Variants in DIAPH3 observed in about 807,000 individuals in gnomAD.
DIAPH3 encodes protein diaphanous homolog 3.
DIAPH3 carries 117 observed loss-of-function variants against 144.3 expected under a neutral mutation model. The observed-to-expected ratio is 0.81, with a 90% confidence interval of 0.70 to 0.95. The LOEUF (loss-of-function observed/expected upper bound fraction) is 0.95. Ranked by LOEUF, DIAPH3 falls within the 40% of genes least tolerant of loss-of-function variation. The pLI, the probability that DIAPH3 is intolerant of heterozygous loss-of-function variation, is 0.00. For synonymous variants in DIAPH3, 519 were observed against 488.9 expected (o/e 1.06, Z -0.81); for missense variants, 1,421 against 1,412.7 (o/e 1.01, Z -0.09).
chr13:59,942,549 C>G (rs2048587097), intron 17 of DIAPH3, among the ~76,000 whole-genome samples: 1 of 152,046 alleles, frequency 6.6e-6, no homozygotes, highest in African/African-American at 2.4e-5. Flanking sequence ...TGAAACAATT[C>G]AAACAATATA....
intron 17 of DIAPH3, among the ~76,000 whole-genome samples, chr13:59,932,553 AC>A (rs1243399175): frequency 3.3e-5 from 5 of 152,190 alleles, no homozygotes; most frequent in African/African-American, 1.2e-4. Context: ...AAAAACAAAT[AC>A]AAGCAACCTT....
At chr13:60,136,472 CAAAAAAAA>C (rs34487556) in intron 1 of DIAPH3, among the ~76,000 whole-genome samples, 7 of 81,978 alleles carry the variant, frequency 8.5e-5, no homozygotes, top group South Asian at 3.7e-4. Flanking sequence ...TTATATTTAC[CAAAAAAAA>C]AAAAAAAAAA....
At chr13:59,689,076 A>G (rs2033368907) in intron 27 of DIAPH3, among the ~76,000 whole-genome samples, 1 of 152,110 alleles carries the variant, frequency 6.6e-6, no homozygotes, top group African/African-American at 2.4e-5. Flanking sequence ...TGAGGGAGAG[A>G]TAATTGTGAA....
chr13:59,708,933 A>AT (rs2034576098), intron 27 of DIAPH3, among the ~76,000 whole-genome samples: 1 of 152,094 alleles, frequency 6.6e-6, no homozygotes, highest in African/African-American at 2.4e-5. Flanking sequence ...CCCATGTATA[A>AT]TTTTTTAAAA....
chr13:59,761,367 CAGTGG>C (rs2037576095), intron 27 of DIAPH3, among the ~76,000 whole-genome samples: 1 of 152,118 alleles, frequency 6.6e-6, no homozygotes, highest in Non-Finnish European at 1.5e-5. Flanking sequence ...ACTAAGGAGT[CAGTGG>C]ATACACATTA....
chr13:59,781,136 A>G (rs1340689151), intron 25 of DIAPH3, among the ~76,000 whole-genome samples: 1 of 152,234 alleles, frequency 6.6e-6, no homozygotes, highest in Non-Finnish European at 1.5e-5. Flanking sequence ...CATACAAAGA[A>G]GATCCTAAAA....
At chr13:59,984,454 AC>A (rs1288942406) in intron 12 of DIAPH3, among the ~76,000 whole-genome samples, 1 of 151,820 alleles carries the variant, frequency 6.6e-6, no homozygotes, top group East Asian at 1.9e-4. Context: ...TCGAAGTTTA[AC>A]TAAAACCTCC....
At chr13:59,789,973 G>A (rs1038865825) in intron 25 of DIAPH3, among the ~76,000 whole-genome samples, 1 of 152,128 alleles carries the variant, frequency 6.6e-6, no homozygotes, top group Non-Finnish European at 1.5e-5. Flanking sequence ...TTGAGGTACT[G>A]GCAGAATATT....
intron 17 of DIAPH3, among the ~76,000 whole-genome samples, chr13:59,967,241 T>G (rs2094487068): frequency 6.6e-6 from 1 of 151,718 alleles, no homozygotes; most frequent in South Asian, 2.1e-4. Flanking sequence ...TATTTTTTTT[T>G]TTAATTTTTT....
intron 5 of DIAPH3, among the ~76,000 whole-genome samples, chr13:60,022,973 G>T (rs548365281): frequency 6.6e-6 from 1 of 152,218 alleles, no homozygotes; most frequent in East Asian, 1.9e-4. Flanking sequence ...ACATTGGTTT[G>T]TAAGTTTGAG....
intron 27 of DIAPH3, among the ~76,000 whole-genome samples, chr13:59,740,143 C>A (rs933323234): frequency 5.3e-5 from 8 of 152,132 alleles, no homozygotes; most frequent in Non-Finnish European, 8.8e-5. Flanking sequence ...ACTCATTTAT[C>A]TACTTATTCG....
chr13:59,906,712 C>G (rs898696631), intron 20 of DIAPH3, among the ~76,000 whole-genome samples: 3 of 152,114 alleles, frequency 2.0e-5, no homozygotes, highest in African/African-American at 7.2e-5. Flanking sequence ...CTTTGAAGAA[C>G]AGGAAGCTTA....
intron 3 of DIAPH3, among the ~76,000 whole-genome samples, chr13:60,104,566 G>GCACACACACA (rs10633554): frequency 0.093 from 13,736 of 146,992 alleles, 697 homozygotes; most frequent in Non-Finnish European, 0.11. Flanking sequence ...CAGTATCAAG[G>GCACACACACA]CACACACACA....
chr13:59,897,553 G>T (rs746995295), intron 20 of DIAPH3, among the ~76,000 whole-genome samples: 2 of 151,718 alleles, frequency 1.3e-5, no homozygotes, highest in Non-Finnish European at 2.9e-5. Context: ...TTCGAGACCA[G>T]CCTGGCTAAC....
chr13:60,015,844 T>C, intron 7 of DIAPH3, 69 bp downstream of exon 7: 1 of 1,353,090 alleles, frequency 7.4e-7, no homozygotes, highest in African/African-American at 1.4e-5. Context: ...TTACCATCAC[T>C]TTACTGCAAC....
intron 27 of DIAPH3, among the ~76,000 whole-genome samples, chr13:59,691,006 G>A (rs1465442451): frequency 6.6e-6 from 1 of 152,158 alleles, no homozygotes; most frequent in African/African-American, 2.4e-5. Flanking sequence ...TAACATTTGT[G>A]TTGGGTCTTG....
At chr13:60,036,156 A>T (rs1452357014) in intron 5 of DIAPH3, among the ~76,000 whole-genome samples, 1 of 152,218 alleles carries the variant, frequency 6.6e-6, no homozygotes, top group Non-Finnish European at 1.5e-5. Flanking sequence ...TTAATGTCCA[A>T]TCATCCTTGC....
intron 27 of DIAPH3, among the ~76,000 whole-genome samples, chr13:59,772,544 TATATA>T (rs916082244): frequency 2.0e-5 from 3 of 152,108 alleles, no homozygotes; most frequent in African/African-American, 7.2e-5. Context: ...ATCTGCTATA[TATATA>T]ATAAACAGAA....
rs545738272 is a variant in DIAPH3 at position 59,843,986 on chromosome 13, A to C, written c.2738-4538T>G. 4.1e-4 allele frequency among the ~76,000 whole-genome samples: 62 copies of C among 152,260 alleles called. 1 individual carries two copies. The highest frequency in any genetic ancestry group is 1.9e-3 in the South Asian group (9 of 4,812). On this transcript the variant is annotated intron_variant, in intron 22 of 27. Transcript: ENST00000400324. ...AGGAGGAGGGAGAGAATCAGGAAAAATAGCTAATGCATGGCAGGCTTAATA... is the reference window on the plus strand; with the variant it reads ...AGGAGGAGGGAGAGAATCAGGAAAACTAGCTAATGCATGGCAGGCTTAATA...
Sources: gnomAD v4.1 joint callset for allele counts (sites outside exome capture counted in the v4.1 genomes callset) on GRCh38, gnomAD v4.1.1 for gene constraint, MANE v1.5 for transcripts, NCBI Gene and HGNC (gene_info 2026-07-23, HGNC 2026-07-21) for gene names.